Variants in SLC39A11 observed in about 807,000 individuals in gnomAD.
The protein encoded by SLC39A11 is zinc transporter ZIP11.
A neutral mutation model predicts 36.1 loss-of-function variants in SLC39A11; 33 were observed. The ratio of observed to expected loss-of-function variants is 0.91; its 90% CI spans 0.69 to 1.22. SLC39A11 has a LOEUF of 1.22. SLC39A11 is among the 50% of genes most tolerant of loss of function. The pLI, the probability that SLC39A11 is intolerant of heterozygous loss-of-function variation, is 0.00. For synonymous variants in SLC39A11, 166 were observed against 170.3 expected, an observed-to-expected ratio of 0.97 and a Z score of 0.20; for missense variants, 432 against 430.3, an observed-to-expected ratio of 1.00 and a Z score of -0.03.
rs202203888 is a variant in SLC39A11 at position 72,821,348 on chromosome 17, CA to C, written c.601+28285del. ...TAAAACTCCGTCTCTATTAAAAATA[CA>C]AAAAAAAATAGCTGGGCATGGTGAT... is the stretch of plus-strand genomic sequence containing the variant. On this transcript the variant is annotated intron_variant, in intron 6 of 9. Coordinates refer to ENST00000255559, the MANE Select transcript of SLC39A11 (RefSeq NM_139177.4). 3.0e-4 allele frequency among the ~76,000 whole-genome samples: 44 copies of C among 146,430 alleles called. No homozygotes were observed. In the East Asian group the frequency reaches 7.5e-3, roughly 25 times the overall value.
chr17:72,987,834 T>A (rs1301711321), intron 4 of SLC39A11, among the ~76,000 whole-genome samples: 1 of 152,072 alleles, frequency 6.6e-6, no homozygotes, highest in South Asian at 2.1e-4. Flanking sequence ...TGACACCACT[T>A]AAAAAAACAA....
At chr17:73,016,070 C>A (rs79353219) in intron 4 of SLC39A11, among the ~76,000 whole-genome samples, 3,713 of 152,226 alleles carry the variant, frequency 0.024, 66 homozygotes, top group Middle Eastern at 0.061. Context: ...TTCTTCAGGT[C>A]TCAGTTTTAC....
chr17:72,924,467 T>C (rs1168100393), intron 5 of SLC39A11, among the ~76,000 whole-genome samples: 1 of 151,768 alleles, frequency 6.6e-6, no homozygotes, highest in Admixed American at 6.6e-5. Flanking sequence ...TAAAATCAAA[T>C]GGAAATAAAA....
At chr17:72,739,115 G>T (rs1358464269) in intron 6 of SLC39A11, among the ~76,000 whole-genome samples, 1 of 146,926 alleles carries the variant, frequency 6.8e-6, no homozygotes, top group African/African-American at 2.5e-5. Flanking sequence ...TAAGCTGCAG[G>T]TTGAGAATTT....
intron 5 of SLC39A11, among the ~76,000 whole-genome samples, chr17:72,896,192 CTTTTTTTTT>C (rs771180987): frequency 1.3e-5 from 1 of 74,554 alleles, no homozygotes; most frequent in Non-Finnish European, 2.4e-5. Context: ...CACATTAATC[CTTTTTTTTT>C]TTTTTTTTTT....
chr17:72,900,152 G>A (rs201440021), intron 5 of SLC39A11, among the ~76,000 whole-genome samples: 9,783 of 38,700 alleles, frequency 0.25, 1,446 homozygotes, highest in East Asian at 0.5. Context: ...AAGAAAGAAA[G>A]AAAAGAAAGA....
chr17:72,693,840 T>A (rs1156260361), intron 7 of SLC39A11, among the ~76,000 whole-genome samples: 1 of 152,126 alleles, frequency 6.6e-6, no homozygotes, highest in Non-Finnish European at 1.5e-5. Context: ...TTTTTTGTGT[T>A]TTTAGTAGAG....
chr17:72,815,658 A>T (rs2077558417), intron 6 of SLC39A11, among the ~76,000 whole-genome samples: 1 of 151,710 alleles, frequency 6.6e-6, no homozygotes, highest in South Asian at 2.1e-4. Flanking sequence ...GTGGTGGCTC[A>T]CACCTATAAT....
intron 5 of SLC39A11, among the ~76,000 whole-genome samples, chr17:72,929,839 A>C (rs2084274237): frequency 6.6e-6 from 1 of 152,172 alleles, no homozygotes; most frequent in African/African-American, 2.4e-5. Flanking sequence ...CTGTGCTTAG[A>C]AAACAGGGCA....
In SLC39A11 at chr17:72,771,354, T is replaced by TAAAAAA. The variant is rs4036979; in HGVS notation, c.602-34641_602-34636dup. 5.6e-5 allele frequency among the ~76,000 whole-genome samples: 8 copies of TAAAAAA among 142,946 alleles called. No homozygotes were observed. The East Asian group carries it at 1.3e-3, about 22-fold the overall frequency. The allele number at this position is 142,946 out of a possible 152,430, so 93.8% of individuals were successfully genotyped here. A position where few individuals can be genotyped will look rare whatever the true frequency, so the allele number is the denominator to read the frequency against. ...CTGGGCAACAGAGCGAGACCCTATC[T>TAAAAAA]AAAAAAAAAAAAAAAATCCTTAAAC... On this transcript the variant is annotated intron_variant, in intron 6 of 9. Coordinates refer to ENST00000255559, the MANE Select transcript of SLC39A11 (RefSeq NM_139177.4).
At chr17:72,666,736 G>A (rs1250533088) in intron 7 of SLC39A11, among the ~76,000 whole-genome samples, 1 of 152,126 alleles carries the variant, frequency 6.6e-6, no homozygotes, top group African/African-American at 2.4e-5. Flanking sequence ...GAGTTTTCAG[G>A]GCTCGTGAGA....
At chr17:72,823,832 T>C (rs966280083) in intron 6 of SLC39A11, 3 of 151,524 alleles carry the variant, frequency 2.0e-5, no homozygotes, top group African/African-American at 7.2e-5. Flanking sequence ...GGCCACAGAA[T>C]TTTCTAGTGC....
chr17:72,753,905 A>T (rs1028582421), intron 6 of SLC39A11, among the ~76,000 whole-genome samples: 2 of 149,602 alleles, frequency 1.3e-5, no homozygotes, highest in African/African-American at 5.0e-5. Context: ...AAAAAAAAAA[A>T]AAAAAAACCT....
chr17:73,074,422 C>A (rs2060256616), intron 3 of SLC39A11, among the ~76,000 whole-genome samples: 2 of 151,822 alleles, frequency 1.3e-5, no homozygotes, highest in South Asian at 4.2e-4. Context: ...CTCAGCCTCC[C>A]GAGTAGCTGG....
intron 5 of SLC39A11, among the ~76,000 whole-genome samples, chr17:72,853,783 G>A (rs1395714530): frequency 1.3e-5 from 2 of 152,072 alleles, no homozygotes; most frequent in African/African-American, 2.4e-5. Context: ...ATGATGCGTC[G>A]TGAGCAATGA....
At chr17:72,744,460 T>C (rs956960648) in intron 6 of SLC39A11, among the ~76,000 whole-genome samples, 2 of 152,236 alleles carry the variant, frequency 1.3e-5, no homozygotes, top group Admixed American at 6.5e-5. Context: ...TAATAGAACA[T>C]TCTTAGAGTT....
Position 72,649,259 on chromosome 17 carries a change from G to C in SLC39A11, c.681C>G (p.Ala227=). 6.2e-7 allele frequency: 1 copy of C among 1,614,088 alleles called. No individual in the cohort carries two copies. Among genetic ancestry groups the C allele is most frequent in the African/African-American group, 1.3e-5 (1 of 75,064 alleles). The change falls in exon 8 of 10, where the codon GCC becomes GCG. Residue 227 remains alanine (A), a synonymous_variant. Coordinates refer to ENST00000255559, the MANE Select transcript of SLC39A11 (RefSeq NM_139177.4). ...SATFESARNL[A]IGIGIQNFPE... ...GGAAATTCTGGATCCCGATTCCAAT[G>C]GCCAAATTCCTGAAAAACCAAGAAA...
At chr17:73,040,460 A>G (rs147435663) in intron 3 of SLC39A11, among the ~76,000 whole-genome samples, 9 of 152,334 alleles carry the variant, frequency 5.9e-5, no homozygotes, top group African/African-American at 2.2e-4. Flanking sequence ...AGAACAGAAG[A>G]AGGACATTGG....
chr17:72,785,014 T>C (rs2116332), intron 6 of SLC39A11, among the ~76,000 whole-genome samples: 30,528 of 151,846 alleles, frequency 0.2, 4,543 homozygotes, highest in African/African-American at 0.43. Flanking sequence ...TACGCAGGCA[T>C]GCGCCCCCAT....
Sources: allele counts gnomAD v4.1 joint callset (sites outside exome capture counted in the v4.1 genomes callset), GRCh38; gene constraint gnomAD v4.1.1; transcripts MANE v1.5; gene names NCBI Gene and HGNC (gene_info 2026-07-23, HGNC 2026-07-21).